The following UBAP1 variants were observed in gnomAD, a reference collection of about 807,000 sequenced individuals.
UBAP1 encodes ubiquitin-associated protein 1.
Under a neutral mutation model 39.0 loss-of-function variants are expected in UBAP1, and 5 were observed. The observed-to-expected ratio is 0.13, with a 90% CI of 0.07 to 0.27. The LOEUF is 0.27. Ranked by LOEUF, UBAP1 falls within the 10% of genes least tolerant of loss-of-function variation. The pLI is 1.00. For missense variants in UBAP1, 490 were observed against 608.1 expected (o/e 0.81, Z 2.04); for synonymous variants, 211 against 225.1 (o/e 0.94, Z 0.56).
At chr9:34,207,378 T>G (rs1831768744) in intron 1 of UBAP1, among the ~76,000 whole-genome samples, 1 of 148,612 alleles carries the variant, frequency 6.7e-6, no homozygotes, top group Non-Finnish European at 1.5e-5. Flanking sequence ...AACTTTAGAA[T>G]CAGCTTGTCT....
intron 4 of UBAP1, among the ~76,000 whole-genome samples, chr9:34,246,968 C>T (rs796441581): frequency 1.3e-5 from 2 of 152,084 alleles, no homozygotes; most frequent in South Asian, 2.1e-4. Context: ...CTTTTTATGC[C>T]AGAGTCAACC....
intron 1 of UBAP1, among the ~76,000 whole-genome samples, chr9:34,214,390 C>T (rs575056305): frequency 3.7e-4 from 57 of 152,172 alleles, no homozygotes; most frequent in African/African-American, 1.3e-3. Context: ...AATTGATCTT[C>T]GACAAAGCAA....
intron 1 of UBAP1, among the ~76,000 whole-genome samples, chr9:34,202,623 ACGTG>A (rs944885814): frequency 1.8e-5 from 1 of 54,510 alleles, no homozygotes; most frequent in Admixed American, 1.7e-4. Context: ...GTAGACAGAA[ACGTG>A]TGTGTGTGTG....
intron 1 of UBAP1, among the ~76,000 whole-genome samples, chr9:34,189,835 CGT>C: frequency 6.6e-6 from 1 of 151,634 alleles, no homozygotes; most frequent in East Asian, 1.9e-4. Context: ...GGTGTTTCTC[CGT>C]GTTGGTCTGG....
At chr9:34,181,307 G>C (rs978490182) in intron 1 of UBAP1, among the ~76,000 whole-genome samples, 10 of 150,210 alleles carry the variant, frequency 6.7e-5, no homozygotes, top group East Asian at 2.0e-4. Context: ...TAGTAGAGAC[G>C]GGGTTTCACC....
intron 1 of UBAP1, among the ~76,000 whole-genome samples, chr9:34,194,502 G>A (rs1287986610): frequency 6.6e-6 from 1 of 152,024 alleles, no homozygotes; most frequent in Non-Finnish European, 1.5e-5. Flanking sequence ...TTTTAGTAGA[G>A]ATGGGGTTTC....
rs556886995 is a variant in UBAP1, at chr9:34,196,625, A to G, written c.-8+17385A>G. 2.6e-5 allele frequency among the ~76,000 whole-genome samples: 4 copies of G among 151,648 alleles called. No homozygotes were observed. In the South Asian group the frequency reaches 8.4e-4, roughly 32 times the overall value. On this transcript the variant is annotated intron_variant, in intron 1 of 6. Transcript: ENST00000297661. The stretch of plus-strand genomic sequence containing the variant: ...GCGCCCAGCCTAAATAATTTTTTTT[A>G]ATATAGACACGGTCTCACTATGTTG...
chr9:34,197,469 G>T (rs1260933926), intron 1 of UBAP1, among the ~76,000 whole-genome samples: 1 of 152,046 alleles, frequency 6.6e-6, no homozygotes, highest in African/African-American at 2.4e-5. Context: ...TTCTTTGTCA[G>T]TCAGTTCTAT....
chr9:34,227,870 G>A (rs1833184792), intron 2 of UBAP1, among the ~76,000 whole-genome samples: 1 of 152,184 alleles, frequency 6.6e-6, no homozygotes, highest in Non-Finnish European at 1.5e-5. Context: ...GGATAAAAAT[G>A]GACAATTCCA....
chr9:34,181,116 C>CTTTCTT (rs1193356334), intron 1 of UBAP1, among the ~76,000 whole-genome samples: 3 of 72,274 alleles, frequency 4.2e-5, no homozygotes, highest in South Asian at 5.7e-4. Context: ...GGCCTGTTTT[C>CTTTCTT]TTTTTTTTTT....
intron 1 of UBAP1, among the ~76,000 whole-genome samples, chr9:34,186,985 G>A (rs1435204722): frequency 6.6e-6 from 1 of 152,064 alleles, no homozygotes; most frequent in African/African-American, 2.4e-5. Flanking sequence ...TTGGCTCACT[G>A]CAGCCTCCGC....
intron 3 of UBAP1, among the ~76,000 whole-genome samples, chr9:34,238,930 T>A (rs1161851576): frequency 6.6e-6 from 1 of 152,224 alleles, no homozygotes; most frequent in Non-Finnish European, 1.5e-5. Flanking sequence ...GAAGCACCAA[T>A]AAAAGCATGG....
chr9:34,231,176 T>TGTGTGTGTGTGTGTGTG (rs74180554), intron 2 of UBAP1, among the ~76,000 whole-genome samples: 1 of 135,156 alleles, frequency 7.4e-6, no homozygotes, highest in African/African-American at 2.9e-5. Context: ...TGTGTGTGTG[T>TGTGTGTGTGTGTGTGTG]TGGGGTCGGG....
intron 1 of UBAP1, among the ~76,000 whole-genome samples, chr9:34,196,627 T>C (rs545538400): frequency 2.8e-4 from 43 of 151,854 alleles, no homozygotes; most frequent in Non-Finnish European, 6.2e-4. Context: ...TTTTTTTTAA[T>C]ATAGACACGG....
At chr9:34,196,389 C>T (rs1428169931) in intron 1 of UBAP1, among the ~76,000 whole-genome samples, 1 of 150,920 alleles carries the variant, frequency 6.6e-6, no homozygotes, top group Admixed American at 6.6e-5. Context: ...GATCTCGGCT[C>T]ACTGCAACCT....
chr9:34,196,899 TG>T, intron 1 of UBAP1, among the ~76,000 whole-genome samples: 1 of 13,776 alleles, frequency 7.3e-5, no homozygotes, highest in African/African-American at 1.2e-4. Flanking sequence ...TATTGTTATT[TG>T]TGTGTGTGTG....
intron 4 of UBAP1, among the ~76,000 whole-genome samples, chr9:34,247,435 T>C (rs1834237319): frequency 6.6e-6 from 1 of 152,126 alleles, no homozygotes; most frequent in Admixed American, 6.6e-5. Context: ...TATTTATTTA[T>C]TTATTTAGAG....
chr9:34,214,779 T>C (rs1832204914), intron 1 of UBAP1, among the ~76,000 whole-genome samples: 1 of 151,674 alleles, frequency 6.6e-6, no homozygotes, highest in South Asian at 2.1e-4. Flanking sequence ...TACAACCAAC[T>C]CAGTAAGAAA....
chr9:34,229,441 A>G (rs1833292123), intron 2 of UBAP1, among the ~76,000 whole-genome samples: 1 of 151,150 alleles, frequency 6.6e-6, no homozygotes, highest in Non-Finnish European at 1.5e-5. Flanking sequence ...TATTTTTGGT[A>G]GAGATGGGGT....
Sources: allele counts gnomAD v4.1 joint callset (sites outside exome capture counted in the v4.1 genomes callset), GRCh38; gene constraint gnomAD v4.1.1; transcripts MANE v1.5; gene names NCBI Gene and HGNC (gene_info 2026-07-23, HGNC 2026-07-21).